EEIG1: variants seen among roughly 807,000 people sequenced by gnomAD.
EEIG1 encodes the protein estrogen-induced osteoclastogenesis regulator 1.
the EEIG1 span, chr9:127,954,025 G>A: frequency 3.9e-5 from 56 of 1,418,506 alleles, no homozygotes; most frequent in African/African-American, 7.0e-4. Flanking sequence ...GGACTGAGGC[G>A]GTGGGAAGCT....
At chr9:127,967,698 G>A in the EEIG1 span, among the ~76,000 whole-genome samples, 1 of 152,232 alleles carries the variant, frequency 6.6e-6, no homozygotes, top group Non-Finnish European at 1.5e-5. Flanking sequence ...GCATTGGGAA[G>A]CAGAGACTGG....
At chr9:127,945,738 G>A in the EEIG1 span, 1 of 1,568,714 alleles carries the variant, frequency 6.4e-7, no homozygotes, top group South Asian at 1.2e-5. This position sits in a 1 kb window ranked among gnomAD's most constrained non-coding sequence, Gnocchi z 6.5. Context: ...GTTCTGGTCG[G>A]GTTCCTCTGG....
At chr9:127,954,841 G>A in the EEIG1 span, among the ~76,000 whole-genome samples, 1 of 152,216 alleles carries the variant, frequency 6.6e-6, no homozygotes, top group Non-Finnish European at 1.5e-5. Flanking sequence ...TCCTGAGTTG[G>A]AGAGCATGAC....
chr9:127,945,396 C>G, the EEIG1 span: 222 of 1,586,482 alleles, frequency 1.4e-4, 2 homozygotes, highest in South Asian at 2.5e-3. The surrounding 1 kb of genome is among the most constrained non-coding windows in gnomAD (Gnocchi z 6.5). Flanking sequence ...GATGCAGGGG[C>G]CGGGGTGGCC....
At chr9:127,959,818 G>A in the EEIG1 span, among the ~76,000 whole-genome samples, 19 of 152,120 alleles carry the variant, frequency 1.2e-4, no homozygotes, top group Admixed American at 9.8e-4. Context: ...CCCAGTCTTC[G>A]GTATTTCTTT....
the EEIG1 span, among the ~76,000 whole-genome samples, chr9:127,956,503 C>T: frequency 8.6e-5 from 13 of 151,034 alleles, no homozygotes; most frequent in East Asian, 1.9e-4. Context: ...CTCTGCCTCC[C>T]GGGTTCAAGC....
chr9:127,964,874 G>A, the EEIG1 span, among the ~76,000 whole-genome samples: 401 of 152,208 alleles, frequency 2.6e-3, no homozygotes, highest in African/African-American at 8.9e-3. Flanking sequence ...GGCTGAGGCG[G>A]GTGGATCACC....
the EEIG1 span, among the ~76,000 whole-genome samples, chr9:127,947,433 T>TA: frequency 3.3e-5 from 5 of 151,946 alleles, no homozygotes; most frequent in Admixed American, 2.6e-4. Context: ...AGACTCTGTC[T>TA]AAAAAAACAT....
chr9:127,980,256 G>T, the EEIG1 span: 3 of 1,131,656 alleles, frequency 2.7e-6, no homozygotes, highest in South Asian at 3.1e-5. Flanking sequence ...CCCTGATGGT[G>T]GCGGAGACGG....
the EEIG1 span, chr9:127,953,926 C>T: frequency 6.2e-7 from 1 of 1,613,756 alleles, no homozygotes; most frequent in Non-Finnish European, 8.5e-7. Context: ...TACCTCCTCC[C>T]TGTGGGCCAG....
chr9:127,978,869 T>A, the EEIG1 span, among the ~76,000 whole-genome samples: 1 of 151,586 alleles, frequency 6.6e-6, no homozygotes, highest in Non-Finnish European at 1.5e-5. Flanking sequence ...TAAAAAAAAT[T>A]AGCTGGGTGT....
chr9:127,979,997 C>G, the EEIG1 span: 1 of 1,612,366 alleles, frequency 6.2e-7, no homozygotes, highest in Non-Finnish European at 8.5e-7. Flanking sequence ...CCTACCTTGA[C>G]GACAAGCTGA....
chr9:127,953,790 C>T, the EEIG1 span: 5 of 1,613,988 alleles, frequency 3.1e-6, no homozygotes, highest in East Asian at 2.2e-5. Context: ...GCCCCACATG[C>T]GCCCTTGGCC....
At chr9:127,971,091 G>C in the EEIG1 span, among the ~76,000 whole-genome samples, 1 of 152,214 alleles carries the variant, frequency 6.6e-6, no homozygotes, top group South Asian at 2.1e-4. Flanking sequence ...CAGAGAGGAA[G>C]TGGTGAGAGG....
the EEIG1 span, chr9:127,947,932 C>A: frequency 1.0e-6 from 1 of 978,040 alleles, no homozygotes; most frequent in Non-Finnish European, 1.5e-6. Context: ...CAGGTCTCAT[C>A]AGCCCAGCAG....
chr9:127,977,930 C>T, the EEIG1 span, among the ~76,000 whole-genome samples: 1 of 152,176 alleles, frequency 6.6e-6, no homozygotes, highest in Non-Finnish European at 1.5e-5. Context: ...CTGGTTCTTG[C>T]AATCAGAGAG....
At chr9:127,945,049 A>T in the EEIG1 span, 1 of 975,240 alleles carries the variant, frequency 1.0e-6, no homozygotes. This position sits in a 1 kb window ranked among gnomAD's most constrained non-coding sequence, Gnocchi z 6.5. Flanking sequence ...TCACATGCAC[A>T]ATAGGGTGCA....
At chr9:127,952,430 T>C in the EEIG1 span, among the ~76,000 whole-genome samples, 1 of 152,352 alleles carries the variant, frequency 6.6e-6, no homozygotes, top group South Asian at 2.1e-4. Flanking sequence ...GAGTCCACCA[T>C]GGAGAAGAGG....
chr9:127,942,131 G>C, the EEIG1 span: 1 of 151,480 alleles, frequency 6.6e-6, no homozygotes, highest in Admixed American at 6.6e-5. Context: ...GAGGAAGGCT[G>C]AGGCTTTTCT....
Sources: gnomAD v4.1 joint callset for allele counts (sites outside exome capture counted in the v4.1 genomes callset) on GRCh38, gnomAD v4.1.1 for gene constraint, Gnocchi (gnomAD v3.1) non-coding constraint, MANE v1.5 for transcripts, NCBI Gene and HGNC (gene_info 2026-07-23, HGNC 2026-07-21) for gene names.